TAFA1: variants seen among roughly 807,000 people sequenced by gnomAD.
TAFA1 encodes the protein TAFA chemokine like family member 1, also known as chemokine-like protein TAFA-1.
A neutral mutation model predicts 18.5 loss-of-function variants in TAFA1; 4 were observed. The observed-to-expected ratio is 0.22, with a 90% CI of 0.11 to 0.49. The LOEUF (loss-of-function observed/expected upper bound fraction) is 0.49. TAFA1 is among the 20% of genes least tolerant of loss of function. The pLI is 0.98. For synonymous variants in TAFA1, 56 were observed against 55.2 expected, an observed-to-expected ratio of 1.01 and a Z score of -0.06; for missense variants, 147 against 169.0, an observed-to-expected ratio of 0.87 and a Z score of 0.72.
At chr3:68,214,648 A>G (rs1412553214) in intron 2 of TAFA1, among the ~76,000 whole-genome samples, 3 of 152,006 alleles carry the variant, frequency 2.0e-5, no homozygotes, top group Admixed American at 2.0e-4. Flanking sequence ...TAAATATAAT[A>G]ATAATAAATG....
At chr3:68,105,907 T>C (rs1375124470) in intron 2 of TAFA1, among the ~76,000 whole-genome samples, 1 of 152,156 alleles carries the variant, frequency 6.6e-6, no homozygotes, top group African/African-American at 2.4e-5. Context: ...GGACAGGATA[T>C]GTCAGAAACT....
chr3:68,518,715 G>A (rs1040359628), intron 3 of TAFA1, among the ~76,000 whole-genome samples: 1 of 152,136 alleles, frequency 6.6e-6, no homozygotes, highest in African/African-American at 2.4e-5. Context: ...AGGGGGAATG[G>A]AACATGTAGA....
chr3:68,507,190 C>A (rs1229701085), intron 3 of TAFA1, among the ~76,000 whole-genome samples: 7 of 152,004 alleles, frequency 4.6e-5, no homozygotes, highest in African/African-American at 1.7e-4. Flanking sequence ...TGCTGGCCAG[C>A]CCTTGGATAG....
At chr3:68,538,950 CA>C in intron 4 of TAFA1, 70 bp downstream of exon 4, 1 of 1,513,306 alleles carries the variant, frequency 6.6e-7, no homozygotes, top group Non-Finnish European at 9.0e-7. Flanking sequence ...GCTGTGCAAA[CA>C]GCATCCACAG....
At chr3:68,033,623 C>A (rs1300186589) in intron 2 of TAFA1, among the ~76,000 whole-genome samples, 1 of 151,954 alleles carries the variant, frequency 6.6e-6, no homozygotes, top group Non-Finnish European at 1.5e-5. Context: ...TTGTGATTTT[C>A]TGGATTAAGT....
At chr3:68,250,515 C>T (rs1284358092) in intron 2 of TAFA1, among the ~76,000 whole-genome samples, 1 of 152,158 alleles carries the variant, frequency 6.6e-6, no homozygotes, top group African/African-American at 2.4e-5. Flanking sequence ...AGCGTCCCCA[C>T]AGCAGCTATC....
At chr3:68,305,797 C>T (rs1446587606) in intron 2 of TAFA1, among the ~76,000 whole-genome samples, 1 of 152,054 alleles carries the variant, frequency 6.6e-6, no homozygotes, top group African/African-American at 2.4e-5. Context: ...AGCCAAAAGG[C>T]TGGTTCACAC....
At chr3:68,370,341 T>C (rs2069662532) in intron 2 of TAFA1, among the ~76,000 whole-genome samples, 2 of 69,126 alleles carry the variant, frequency 2.9e-5, no homozygotes, top group African/African-American at 6.1e-5. Context: ...TATATATATA[T>C]ATATATATAT....
intron 2 of TAFA1, among the ~76,000 whole-genome samples, chr3:68,107,130 A>T (rs2065212830): frequency 6.6e-6 from 1 of 152,154 alleles, no homozygotes; most frequent in Non-Finnish European, 1.5e-5. Context: ...CTAACTCCAC[A>T]TTCAGTGATG....
intron 2 of TAFA1, among the ~76,000 whole-genome samples, chr3:68,254,338 A>C (rs1380718351): frequency 6.6e-6 from 1 of 152,140 alleles, no homozygotes; most frequent in Non-Finnish European, 1.5e-5. Context: ...AATTTCATCA[A>C]AATTGAACCA....
chr3:68,181,170 C>A (rs901679933), intron 2 of TAFA1, among the ~76,000 whole-genome samples: 7 of 152,158 alleles, frequency 4.6e-5, no homozygotes. Context: ...GAGACCATAA[C>A]TGTTGCTGTC....
chr3:68,349,449 G>C (rs2069224986), intron 2 of TAFA1, among the ~76,000 whole-genome samples: 1 of 151,992 alleles, frequency 6.6e-6, no homozygotes, highest in Non-Finnish European at 1.5e-5. Flanking sequence ...AAGTCCTACG[G>C]CACCCATATA....
chr3:68,425,480 G>A (rs985133933), intron 3 of TAFA1, among the ~76,000 whole-genome samples: 1 of 151,918 alleles, frequency 6.6e-6, no homozygotes, highest in Admixed American at 6.6e-5. Flanking sequence ...CTTTAGTGAA[G>A]TGATGGCATT....
chr3:68,108,415 G>A (rs886635399), intron 2 of TAFA1, among the ~76,000 whole-genome samples: 1 of 150,372 alleles, frequency 6.7e-6, no homozygotes, highest in Non-Finnish European at 1.5e-5. Context: ...CAAGATAGTA[G>A]GAAAGATGTT....
At position 68,544,744 on chromosome 3, in the gene TAFA1, A is replaced by C. The variant is rs2073429452; in HGVS notation, c.*241A>C. 1 of 393,662 alleles carries C rather than the reference A, an allele frequency of 2.5e-6. No individual in the cohort carries two copies. The highest frequency in any genetic ancestry group is 4.2e-5 in the Admixed American group (1 of 23,796). The allele number at this position is 393,662 out of a possible 1,614,324, so 24.4% of individuals were successfully genotyped here. On this transcript the variant is annotated 3_prime_UTR_variant, in exon 5 of 5. Transcript: ENST00000478136. ...GGTTTTCTCAGTGAAATTTTTGGGC[A>C]TCATGAAGAACGATCAACTATCTTC... is the stretch of plus-strand genomic sequence containing the variant.
chr3:68,406,741 C>T (rs1449700083), intron 2 of TAFA1, among the ~76,000 whole-genome samples: 2 of 152,192 alleles, frequency 1.3e-5, no homozygotes, highest in Non-Finnish European at 2.9e-5. Flanking sequence ...AGCCCAAAGG[C>T]AGTCTGATGT....
At chr3:68,306,185 C>G (rs569236252) in intron 2 of TAFA1, among the ~76,000 whole-genome samples, 1 of 152,334 alleles carries the variant, frequency 6.6e-6, no homozygotes, top group Admixed American at 6.5e-5. Context: ...TGGTTAAATG[C>G]TACCTGATAA....
intron 2 of TAFA1, among the ~76,000 whole-genome samples, chr3:68,170,354 C>T (rs2066036984): frequency 6.6e-6 from 1 of 152,134 alleles, no homozygotes; most frequent in Admixed American, 6.5e-5. Context: ...TGTTTTTATA[C>T]AATCTGACTG....
At chr3:68,024,519 T>C (rs1704769977) in intron 2 of TAFA1, among the ~76,000 whole-genome samples, 1 of 149,154 alleles carries the variant, frequency 6.7e-6, no homozygotes, top group Admixed American at 6.6e-5. Context: ...ACAGTCTTTC[T>C]TATTAGCTAA....
Sources: allele counts gnomAD v4.1 joint callset (sites outside exome capture counted in the v4.1 genomes callset), GRCh38; gene constraint gnomAD v4.1.1; transcripts MANE v1.5; gene names NCBI Gene and HGNC (gene_info 2026-07-23, HGNC 2026-07-21).